The following CARS1 variants were observed in gnomAD, a reference collection of about 807,000 sequenced individuals.
The protein encoded by CARS1 is cysteinyl-tRNA synthetase 1.
A neutral mutation model predicts 106.2 loss-of-function variants in CARS1; 48 were observed. The ratio of observed to expected loss-of-function variants is 0.45; its 90% CI spans 0.36 to 0.57. The LOEUF is 0.57. CARS1 is among the 20% of genes least tolerant of loss of function. CARS1 has a pLI of 0.00. For missense variants in CARS1, 968 were observed against 1,057.2 expected (o/e 0.92, Z 1.17); for synonymous variants, 409 against 403.4 (o/e 1.01, Z -0.17).
chr11:3,045,751 T>C lies in CARS1; in HGVS notation c.274+2002A>G, dbSNP rs919648073. ...TGGCCCACTGTGCCAGCAAGGAAGG[T>C]GCATGCTTGGGGAGTATGAGCCATG... On this transcript the variant is annotated intron_variant, in intron 2 of 22. Coordinates refer to ENST00000380525, the MANE Select transcript of CARS1 (RefSeq NM_001014437.3). The surrounding 1 kb of genome is among the most constrained non-coding windows in gnomAD (Gnocchi z 5.6). Among the ~76,000 whole-genome samples, 24 of 152,054 alleles carry C rather than the reference T, an allele frequency of 1.6e-4. No individual in the cohort carries two copies. The highest frequency in any genetic ancestry group is 3.1e-4 in the Non-Finnish European group (21 of 67,990).
intron 17 of CARS1, among the ~76,000 whole-genome samples, chr11:3,012,866 C>T (rs1850616628): frequency 6.6e-6 from 1 of 150,952 alleles, no homozygotes; most frequent in Non-Finnish European, 1.5e-5. Context: ...GATAGAAAAA[C>T]CTTTCTACTA....
chr11:3,026,930 A>G, intron 9 of CARS1, 133 bp from the exon 10 acceptor site: 8 of 994,030 alleles, frequency 8.0e-6, no homozygotes, highest in Non-Finnish European at 1.2e-5. Flanking sequence ...TGTGGTGGCC[A>G]CTGAAAACCG....
At position 3,003,583 on chromosome 11, in the gene CARS1, G is replaced by A. The variant is rs1198474590; in HGVS notation, c.2218-983C>T. Among the ~76,000 whole-genome samples, 2 of 152,090 alleles carry A rather than the reference G, an allele frequency of 1.3e-5. No homozygotes were observed. Among genetic ancestry groups the A allele is most frequent in the Non-Finnish European group, 2.9e-5 (2 of 68,024 alleles). On this transcript the variant is annotated intron_variant, in intron 20 of 22. Transcript: ENST00000380525. The surrounding 1 kb of genome is among the most constrained non-coding windows in gnomAD (Gnocchi z 4.8). ...ACACAGAGCTAGGGAAAAGAAACCA[G>A]GAAGGCACAAAGGTCTCAGAGACTC...
rs1334644526 is a variant in CARS1, at chr11:3,020,198, A to G, written c.1266+22T>C. The G allele has an allele frequency of 4.2e-6, 6 of 1,428,074 alleles. No homozygotes were observed. In the African/African-American group the frequency reaches 8.4e-5, roughly 20 times the overall value. 88.5% of individuals were successfully genotyped at this position (1,428,074 alleles called of 1,614,324 possible). A position where few individuals can be genotyped will look rare whatever the true frequency, so the allele number is the denominator to read the frequency against. On this transcript the variant is annotated intron_variant, in intron 11 of 22. Transcript: ENST00000380525. This position sits in a 1 kb window ranked among gnomAD's most constrained non-coding sequence, Gnocchi z 4.6. ...GCCAGTGCCCCTGTCCAAGCCCCACACCTTCTAGGCCACTCGCTCACCTTT... is the reference window on the plus strand; with the variant it reads ...GCCAGTGCCCCTGTCCAAGCCCCACGCCTTCTAGGCCACTCGCTCACCTTT...
At chr11:3,042,943 A>AGAAG (rs200043771) in intron 2 of CARS1, among the ~76,000 whole-genome samples, 1 of 50,348 alleles carries the variant, frequency 2.0e-5, no homozygotes, top group African/African-American at 6.4e-5. Context: ...CGGACACTGC[A>AGAAG]GGAGTGGCTG....
At chr11:3,011,257 G>C (rs1052942155) in intron 18 of CARS1, among the ~76,000 whole-genome samples, 2 of 152,210 alleles carry the variant, frequency 1.3e-5, no homozygotes, top group African/African-American at 4.8e-5. Flanking sequence ...CAAAACGAAT[G>C]CTCAGATTCA....
intron 18 of CARS1, among the ~76,000 whole-genome samples, chr11:3,010,439 G>A (rs929374945): frequency 2.0e-5 from 3 of 152,254 alleles, no homozygotes; most frequent in African/African-American, 7.2e-5. Flanking sequence ...AGAGCCCTGC[G>A]CTGGTCCTGA....
In CARS1 at chr11:3,022,269, A is replaced by C. The variant is rs1362801445; in HGVS notation, c.1154-1937T>G. Among the ~76,000 whole-genome samples the C allele has an allele frequency of 6.6e-6, 1 of 152,230 alleles. No homozygotes were observed. Among genetic ancestry groups the C allele is most frequent in the Non-Finnish European group, 1.5e-5 (1 of 68,042 alleles). Reference sequence around the variant, plus strand: ...AGGTATTTTTTGGATCCTGAATTCCAGCAGGACAGCTGTTGCCAACTGGTC... The same window carrying C: ...AGGTATTTTTTGGATCCTGAATTCCCGCAGGACAGCTGTTGCCAACTGGTC... On this transcript the variant is annotated intron_variant, in intron 10 of 22. Transcript: ENST00000380525. The surrounding 1 kb of genome is among the most constrained non-coding windows in gnomAD (Gnocchi z 4.9).
At position 3,055,047 on chromosome 11, in the gene CARS1, C is replaced by T. The variant is rs1402786756; in HGVS notation, c.25+2296G>A. The stretch of plus-strand genomic sequence containing the variant: ...AAGACCGCAAAGGAAAAGCTGTACA[C>T]CCAGTGAGATCAGGAAAGAGAAATA... On this transcript the variant is annotated intron_variant, in intron 1 of 22. Coordinates refer to ENST00000380525, the MANE Select transcript of CARS1 (RefSeq NM_001014437.3). 1.3e-5 allele frequency: 9 copies of T among 687,286 alleles called. No homozygotes were observed. The Admixed American group carries it at 2.0e-4, about 15-fold the overall frequency. 42.6% of individuals were successfully genotyped at this position (687,286 alleles called of 1,614,324 possible).
intron 17 of CARS1, among the ~76,000 whole-genome samples, chr11:3,012,602 C>T (rs966009759): frequency 3.3e-5 from 5 of 152,194 alleles, no homozygotes; most frequent in Admixed American, 3.3e-4. Context: ...TGTGAAACAG[C>T]TTGTCTTTAT....
At position 3,019,045 on chromosome 11, in the gene CARS1, G is replaced by A; in HGVS notation, c.1395+94C>T. 7.3e-7 allele frequency: 1 copy of A among 1,370,606 alleles called. No individual in the cohort carries two copies. Among genetic ancestry groups the A allele is most frequent in the Middle Eastern group, 2.0e-4 (1 of 5,118 alleles). 84.9% of individuals were successfully genotyped at this position (1,370,606 alleles called of 1,614,324 possible). On this transcript the variant is annotated intron_variant, in intron 12 of 22. Coordinates refer to ENST00000380525, the MANE Select transcript of CARS1 (RefSeq NM_001014437.3). The surrounding 1 kb of genome is among the most constrained non-coding windows in gnomAD (Gnocchi z 6.2). Reference sequence around the variant, plus strand: ...CGATGAAGGTGTCAAGTTCTAGTGAGAGAGGCCCTTCTGAGGCCTGGGCTG... The same window carrying A: ...CGATGAAGGTGTCAAGTTCTAGTGAAAGAGGCCCTTCTGAGGCCTGGGCTG...
chr11:3,001,499 C>T (rs1849400450), intron 22 of CARS1, among the ~76,000 whole-genome samples: 1 of 152,142 alleles, frequency 6.6e-6, no homozygotes, highest in South Asian at 2.1e-4. Flanking sequence ...GGGCACTGTG[C>T]CCCTCAGAGC....
chr11:3,002,468 G>A (rs1849479683), intron 21 of CARS1, 73 bp downstream of exon 21: 3 of 1,596,618 alleles, frequency 1.9e-6, no homozygotes, highest in Non-Finnish European at 2.6e-6. Context: ...CGGAGGCACA[G>A]AGAGCCACAG....
Position 3,039,606 on chromosome 11 carries a change from C to T in CARS1, c.552+229G>A, listed in dbSNP as rs1303998096. On this transcript the variant is annotated intron_variant, in intron 5 of 22. Coordinates refer to ENST00000380525, the MANE Select transcript of CARS1 (RefSeq NM_001014437.3). This position sits in a 1 kb window ranked among gnomAD's most constrained non-coding sequence, Gnocchi z 5.6. ...CCTTCCTTCTGCAAAACACCCAGGGCTACCGACCCCTGAGCAACATGCAGG... is the reference window on the plus strand; with the variant it reads ...CCTTCCTTCTGCAAAACACCCAGGGTTACCGACCCCTGAGCAACATGCAGG... Among the ~76,000 whole-genome samples, 1 of 152,198 alleles carries T rather than the reference C, an allele frequency of 6.6e-6. No individual in the cohort carries two copies. Among genetic ancestry groups the T allele is most frequent in the Non-Finnish European group, 1.5e-5 (1 of 68,040 alleles).
At chr11:3,018,821 TG>T in intron 12 of CARS1, 72 bp from the exon 13 acceptor site, 1 of 1,549,184 alleles carries the variant, frequency 6.5e-7, no homozygotes. Flanking sequence ...CTGCACTGTC[TG>T]CTGCCTTGTT....
chr11:3,022,302 C>G lies in CARS1; in HGVS notation c.1154-1970G>C, dbSNP rs917723343. 6.6e-6 allele frequency among the ~76,000 whole-genome samples: 1 copy of G among 152,168 alleles called. No individual in the cohort carries two copies. Among genetic ancestry groups the G allele is most frequent in the East Asian group, 1.9e-4 (1 of 5,200 alleles). On this transcript the variant is annotated intron_variant, in intron 10 of 22. Transcript: ENST00000380525. This position sits in a 1 kb window ranked among gnomAD's most constrained non-coding sequence, Gnocchi z 4.9. ...AGCTGTTGCCAACTGGTCTGAAGAC[C>G]TGCACCAAGGAACTGACTCGTCGCA...
In CARS1 at chr11:3,022,524, T is replaced by C. The variant is rs1232230255; in HGVS notation, c.1154-2192A>G. ...TACGGCAACCCCTGGTATCCCGGTA[T>C]ACTGACTCGCTGTGCATTGGGCAAC... On this transcript the variant is annotated intron_variant, in intron 10 of 22. Transcript: ENST00000380525. This position sits in a 1 kb window ranked among gnomAD's most constrained non-coding sequence, Gnocchi z 4.9. Among the ~76,000 whole-genome samples the C allele has an allele frequency of 6.6e-6, 1 of 152,228 alleles. No homozygotes were observed. The highest frequency in any genetic ancestry group is 2.4e-5 in the African/African-American group (1 of 41,464).
intron 18 of CARS1, among the ~76,000 whole-genome samples, chr11:3,011,568 C>T (rs1206859276): frequency 6.6e-6 from 1 of 152,154 alleles, no homozygotes; most frequent in Non-Finnish European, 1.5e-5. Flanking sequence ...GAGCCGAGAT[C>T]GCGCCACTGC....
rs1449808787 is a variant in CARS1, at chr11:3,040,090, G to A, written c.456-159C>T. ...CCTTCTCCTCCTCAGTCTACTCAAC[G>A]TGAAGATGGCAAGGATGATGACCTT... On this transcript the variant is annotated intron_variant, in intron 4 of 22. Transcript: ENST00000380525. This position sits in a 1 kb window ranked among gnomAD's most constrained non-coding sequence, Gnocchi z 5.8. 13 of 551,352 alleles carry A rather than the reference G, an allele frequency of 2.4e-5. No homozygotes were observed. Among genetic ancestry groups the A allele is most frequent in the East Asian group, 6.3e-5 (2 of 31,786 alleles). 34.2% of individuals were successfully genotyped at this position (551,352 alleles called of 1,614,324 possible). A position where few individuals can be genotyped will look rare whatever the true frequency, so the allele number is the denominator to read the frequency against.
Sources: allele counts gnomAD v4.1 joint callset (sites outside exome capture counted in the v4.1 genomes callset), GRCh38; gene constraint gnomAD v4.1.1; non-coding constraint Gnocchi (gnomAD v3.1); transcripts MANE v1.5; gene names NCBI Gene and HGNC (gene_info 2026-07-23, HGNC 2026-07-21).